Variants in ZFAT observed in about 807,000 individuals in gnomAD.
ZFAT encodes zinc finger and AT-hook domain containing, also known as zinc finger protein ZFAT.
A neutral mutation model predicts 117.7 loss-of-function variants in ZFAT; 64 were observed. That is an observed-to-expected ratio of 0.54 (90% CI 0.44 to 0.67). ZFAT has a LOEUF of 0.67. Among genes scored for constraint, ZFAT ranks in the 30% least tolerant of loss-of-function variants. ZFAT has a pLI of 0.00. For missense variants in ZFAT, 1,433 were observed against 1,584.5 expected (o/e 0.90, Z 1.62); for synonymous variants, 679 against 615.0 (o/e 1.10, Z -1.54).
chr8:134,750,679 T>C, the ZFAT span, among the ~76,000 whole-genome samples: 2 of 152,302 alleles, frequency 1.3e-5, no homozygotes, highest in East Asian at 3.9e-4. Flanking sequence ...GGTGAGAGGA[T>C]TGCTTGAGCC....
the ZFAT span, among the ~76,000 whole-genome samples, chr8:134,827,632 G>T: frequency 5.9e-5 from 9 of 152,076 alleles, no homozygotes; most frequent in Admixed American, 5.2e-4. Flanking sequence ...GACAGGCGTG[G>T]TGGTGGGTGC....
chr8:134,699,798 G>T (rs940053701), intron 1 of ZFAT, among the ~76,000 whole-genome samples: 1 of 152,248 alleles, frequency 6.6e-6, no homozygotes, highest in Non-Finnish European at 1.5e-5. Flanking sequence ...GGACACGGTG[G>T]AAGCTATGAT....
the ZFAT span, among the ~76,000 whole-genome samples, chr8:134,728,192 C>G: frequency 1.3e-5 from 2 of 151,698 alleles, no homozygotes; most frequent in African/African-American, 4.8e-5. Flanking sequence ...CCAGTTGACT[C>G]TTCACAACTG....
chr8:134,495,150 A>G (rs953799772), intron 15 of ZFAT, among the ~76,000 whole-genome samples: 1 of 152,194 alleles, frequency 6.6e-6, no homozygotes, highest in Admixed American at 6.5e-5. Context: ...CTGCTGTCAC[A>G]AAGCAGCACA....
At chr8:134,503,081 G>A (rs564051083) in intron 15 of ZFAT, among the ~76,000 whole-genome samples, 5 of 152,334 alleles carry the variant, frequency 3.3e-5, no homozygotes, top group Admixed American at 6.5e-5. Flanking sequence ...GGCCTGCCAC[G>A]TAGAGTGCTG....
intron 4 of ZFAT, 143 bp downstream of exon 4, chr8:134,610,327 T>C (rs1828235830): frequency 1.1e-6 from 1 of 921,822 alleles, no homozygotes; most frequent in South Asian, 1.8e-5. Context: ...GTAAGTCTCA[T>C]CCTCTCAAAT....
At chr8:134,804,861 G>A in the ZFAT span, 3 of 534,296 alleles carry the variant, frequency 5.6e-6, no homozygotes, top group African/African-American at 3.8e-5. Context: ...TCAAGAGGAT[G>A]TCTGTGAATA....
chr8:134,748,161 G>A, the ZFAT span, among the ~76,000 whole-genome samples: 4 of 152,086 alleles, frequency 2.6e-5, no homozygotes, highest in East Asian at 7.7e-4. Context: ...CATCCCCCAG[G>A]CCAAGAAACA....
chr8:134,643,945 T>G (rs1830730889), intron 2 of ZFAT, among the ~76,000 whole-genome samples: 1 of 152,134 alleles, frequency 6.6e-6, no homozygotes, highest in Non-Finnish European at 1.5e-5. Flanking sequence ...TGCTCAACAT[T>G]CGTACATGCA....
intron 3 of ZFAT, among the ~76,000 whole-genome samples, chr8:134,615,544 C>T (rs1389508965): frequency 6.6e-6 from 1 of 152,134 alleles, no homozygotes; most frequent in South Asian, 2.1e-4. Context: ...ACCCCACTAA[C>T]AAGCCCTTGG....
chr8:134,755,390 C>T, the ZFAT span, among the ~76,000 whole-genome samples: 21 of 126,274 alleles, frequency 1.7e-4, no homozygotes, highest in African/African-American at 5.0e-4. Flanking sequence ...TCCAGCCTGG[C>T]GACAGTGAGA....
chr8:134,737,689 A>G, the ZFAT span, among the ~76,000 whole-genome samples: 4 of 152,184 alleles, frequency 2.6e-5, no homozygotes, highest in Non-Finnish European at 5.9e-5. Context: ...GTGAGGAGCT[A>G]AGGCTAATGA....
the ZFAT span, among the ~76,000 whole-genome samples, chr8:134,799,737 T>C: frequency 1.3e-5 from 2 of 152,206 alleles, no homozygotes; most frequent in Non-Finnish European, 2.9e-5. Context: ...TTTGCCACTA[T>C]ATTACAACAA....
At chr8:134,479,918 T>C (rs1817173370) in intron 15 of ZFAT, among the ~76,000 whole-genome samples, 1 of 151,802 alleles carries the variant, frequency 6.6e-6, no homozygotes, top group African/African-American at 2.4e-5. Flanking sequence ...TCAATAACAG[T>C]ACTGACCTTT....
chr8:134,550,285 A>G (rs192514844), intron 11 of ZFAT, among the ~76,000 whole-genome samples: 161 of 131,052 alleles, frequency 1.2e-3, no homozygotes, highest in Non-Finnish European at 2.0e-3. Context: ...TGGGACTTAC[A>G]TTCCATCCAG....
intron 1 of ZFAT, among the ~76,000 whole-genome samples, chr8:134,700,815 A>G (rs891207056): frequency 6.6e-6 from 1 of 152,084 alleles, no homozygotes; most frequent in Non-Finnish European, 1.5e-5. Context: ...CATGTCACTG[A>G]TCCCCCTACT....
At chr8:134,521,117 C>G in intron 12 of ZFAT, 116 bp from the exon 13 acceptor site, 1 of 660,510 alleles carries the variant, frequency 1.5e-6, no homozygotes, top group Non-Finnish European at 2.5e-6. Context: ...GTCTCCAGCA[C>G]TTGTATTCAA....
chr8:134,811,414 GA>G, the ZFAT span, among the ~76,000 whole-genome samples: 2 of 152,096 alleles, frequency 1.3e-5, no homozygotes, highest in South Asian at 2.1e-4. Context: ...TATAATTGGG[GA>G]TATCTGCATA....
intron 1 of ZFAT, among the ~76,000 whole-genome samples, chr8:134,680,304 T>C (rs1586942209): frequency 6.7e-6 from 1 of 149,750 alleles, no homozygotes; most frequent in Non-Finnish European, 1.5e-5. Context: ...AAGTCACTTG[T>C]GGGGAAAGAA....
Sources: gnomAD v4.1 joint callset for allele counts (sites outside exome capture counted in the v4.1 genomes callset) on GRCh38, gnomAD v4.1.1 for gene constraint, MANE v1.5 for transcripts, NCBI Gene and HGNC (gene_info 2026-07-23, HGNC 2026-07-21) for gene names.